Variants in RAMP1 observed in about 807,000 individuals in gnomAD.
RAMP1 encodes the protein receptor activity-modifying protein 1.
In RAMP1, 7 loss-of-function variants were observed where a neutral mutation model predicts 8.2. The observed-to-expected ratio is 0.85, with a 90% CI of 0.49 to 1.60. The LOEUF (loss-of-function observed/expected upper bound fraction) is 1.60, where lower values mean the gene tolerates loss of function less well. RAMP1 is among the 40% of genes most tolerant of loss of function. The pLI is 0.00. For missense variants in RAMP1, 192 were observed against 202.4 expected, an observed-to-expected ratio of 0.95 and a Z score of 0.31; for synonymous variants, 92 against 84.7, an observed-to-expected ratio of 1.09 and a Z score of -0.47.
intron 1 of RAMP1, among the ~76,000 whole-genome samples, chr2:237,870,495 A>G (rs1576535317): frequency 6.6e-6 from 1 of 152,202 alleles, no homozygotes; most frequent in Non-Finnish European, 1.5e-5. Context: ...CTGTTTCTTA[A>G]TACTTACAGA....
At chr2:237,888,075 A>G (rs1371201125) in intron 2 of RAMP1, among the ~76,000 whole-genome samples, 1 of 151,352 alleles carries the variant, frequency 6.6e-6, no homozygotes, top group African/African-American at 2.4e-5. Context: ...TTTTTTTGAG[A>G]CAGAATCCTG....
chr2:237,892,953 T>C (rs2062501253), intron 2 of RAMP1, among the ~76,000 whole-genome samples: 1 of 152,254 alleles, frequency 6.6e-6, no homozygotes, highest in South Asian at 2.1e-4. Flanking sequence ...TGTTTACTTA[T>C]CTTTGCAAAT....
At chr2:237,874,415 A>G (rs2062278915) in intron 1 of RAMP1, among the ~76,000 whole-genome samples, 1 of 152,230 alleles carries the variant, frequency 6.6e-6, no homozygotes, top group Non-Finnish European at 1.5e-5. Flanking sequence ...GCGGTTGTGC[A>G]GACCCCGCTT....
chr2:237,879,280 G>A (rs2062341162), intron 2 of RAMP1, among the ~76,000 whole-genome samples: 1 of 152,192 alleles, frequency 6.6e-6, no homozygotes, highest in Admixed American at 6.5e-5. Flanking sequence ...CCTGGCAGAA[G>A]ACAGCAGGGT....
chr2:237,897,057 C>T (rs540147187), intron 2 of RAMP1, among the ~76,000 whole-genome samples: 1 of 152,348 alleles, frequency 6.6e-6, no homozygotes, highest in South Asian at 2.1e-4. Flanking sequence ...GTGGGTCCCT[C>T]TTTTACATGC....
intron 1 of RAMP1, among the ~76,000 whole-genome samples, chr2:237,866,919 G>A (rs1450564278): frequency 6.6e-6 from 1 of 151,978 alleles, no homozygotes; most frequent in Non-Finnish European, 1.5e-5. Context: ...GGTAGAGACG[G>A]GGTTTCACTA....
chr2:237,884,923 A>G (rs1468120951), intron 2 of RAMP1, among the ~76,000 whole-genome samples: 1 of 152,150 alleles, frequency 6.6e-6, no homozygotes, highest in East Asian at 1.9e-4. Context: ...GGCCCCAGGG[A>G]GTGGGGCTGC....
intron 2 of RAMP1, among the ~76,000 whole-genome samples, chr2:237,892,276 C>CTTTTTTT (rs201847138): frequency 1.5e-5 from 2 of 134,370 alleles, no homozygotes; most frequent in African/African-American, 3.0e-5. Flanking sequence ...TTCTTTCTTT[C>CTTTTTTT]TTTTTTTTTT....
chr2:237,899,105 C>T (rs1434317986), intron 2 of RAMP1, among the ~76,000 whole-genome samples: 1 of 151,214 alleles, frequency 6.6e-6, no homozygotes, highest in South Asian at 2.1e-4. Context: ...GGGTCACACT[C>T]TGTCACCCAT....
intron 1 of RAMP1, among the ~76,000 whole-genome samples, chr2:237,874,313 G>T (rs1378747299): frequency 6.6e-6 from 1 of 152,254 alleles, no homozygotes; most frequent in Non-Finnish European, 1.5e-5. Flanking sequence ...CGCTGTCATT[G>T]TTTCTGGCCC....
Position 237,875,601 on chromosome 2 carries a change from G to A in RAMP1, c.53-1623G>A, listed in dbSNP as rs909412748. ...AACTCCCAGCCTTCCATGCAGGCCC[G>A]ACTGCACCCACATCACTCCCTGGCT... On this transcript the variant is annotated intron_variant, in intron 1 of 2. Coordinates refer to ENST00000254661, the MANE Select transcript of RAMP1 (RefSeq NM_005855.4). Among the ~76,000 whole-genome samples, 11 of 152,166 alleles carry A rather than the reference G, an allele frequency of 7.2e-5. 1 individual carries two copies. The highest frequency in any genetic ancestry group is 1.3e-4 in the Admixed American group (2 of 15,284).
chr2:237,894,887 A>G (rs1477211593), intron 2 of RAMP1, among the ~76,000 whole-genome samples: 1 of 152,194 alleles, frequency 6.6e-6, no homozygotes, highest in Admixed American at 6.5e-5. Flanking sequence ...GCCCTGGGGA[A>G]CAGGAGTGGC....
chr2:237,880,469 A>G (rs2062357286), intron 2 of RAMP1, among the ~76,000 whole-genome samples: 1 of 152,208 alleles, frequency 6.6e-6, no homozygotes, highest in Non-Finnish European at 1.5e-5. Flanking sequence ...TTGTTAGAGA[A>G]TGGTATCTAG....
At chr2:237,881,560 T>C (rs2062368520) in intron 2 of RAMP1, among the ~76,000 whole-genome samples, 1 of 152,214 alleles carries the variant, frequency 6.6e-6, no homozygotes, top group African/African-American at 2.4e-5. Flanking sequence ...GGTGCCCGTT[T>C]CCCCAGACCC....
chr2:237,859,345 G>GGGCC (rs2062108386), upstream of RAMP1, among the ~76,000 whole-genome samples: 1 of 152,226 alleles, frequency 6.6e-6, no homozygotes, highest in Non-Finnish European at 1.5e-5. Context: ...CTCACGCTGA[G>GGGCC]TCGTCTAGGA....
At chr2:237,900,648 T>C (rs1271494998) in intron 2 of RAMP1, among the ~76,000 whole-genome samples, 2 of 152,254 alleles carry the variant, frequency 1.3e-5, no homozygotes, top group Admixed American at 6.5e-5. Context: ...CATTCATTTG[T>C]ACATATAGTA....
intron 1 of RAMP1, among the ~76,000 whole-genome samples, chr2:237,873,418 G>A (rs530650253): frequency 6.3e-4 from 96 of 152,286 alleles, no homozygotes; most frequent in Non-Finnish European, 1.1e-3. Context: ...TGGGGGGCCC[G>A]GCTGCCCCGT....
chr2:237,882,215 C>G (rs563250983), intron 2 of RAMP1, among the ~76,000 whole-genome samples: 12 of 152,314 alleles, frequency 7.9e-5, no homozygotes, highest in African/African-American at 2.9e-4. Context: ...TGGCCCGTGC[C>G]TTCTTAAATC....
intron 1 of RAMP1, among the ~76,000 whole-genome samples, chr2:237,864,078 G>A (rs1160038735): frequency 4.6e-5 from 7 of 152,048 alleles, no homozygotes; most frequent in Admixed American, 2.0e-4. Context: ...CCTTGGCTCC[G>A]GGGAAGCAGC....
Sources: gnomAD v4.1 joint callset for allele counts (sites outside exome capture counted in the v4.1 genomes callset) on GRCh38, gnomAD v4.1.1 for gene constraint, MANE v1.5 for transcripts, NCBI Gene and HGNC (gene_info 2026-07-23, HGNC 2026-07-21) for gene names.